The following ITCH variants were observed in gnomAD, a reference collection of about 807,000 sequenced individuals.
ITCH encodes E3 ubiquitin-protein ligase Itchy homolog.
A neutral mutation model predicts 126.8 loss-of-function variants in ITCH; 28 were observed. The ratio of observed to expected loss-of-function variants is 0.22; its 90% CI spans 0.16 to 0.30. The LOEUF is 0.30. Ranked by LOEUF, ITCH falls within the 10% of genes least tolerant of loss-of-function variation. The pLI, the probability that ITCH is intolerant of heterozygous loss-of-function variation, is 1.00. For missense variants in ITCH, 631 were observed against 1,032.4 expected (o/e 0.61, Z 5.33); for synonymous variants, 342 against 340.0 (o/e 1.01, Z -0.06).
intron 7 of ITCH, among the ~76,000 whole-genome samples, chr20:34,434,323 T>A (rs1465850399): frequency 6.6e-6 from 1 of 151,882 alleles, no homozygotes; most frequent in Middle Eastern, 3.2e-3. Context: ...TAAAATAAAA[T>A]GCACTAACTA....
chr20:34,441,895 C>T (rs577350838), intron 9 of ITCH: 27 of 339,648 alleles, frequency 7.9e-5, no homozygotes, highest in African/African-American at 5.1e-4. Context: ...CATTTCTTTC[C>T]ACTCAAATCC....
chr20:34,385,430 A>G (rs1003471944), intron 2 of ITCH, among the ~76,000 whole-genome samples: 25 of 152,052 alleles, frequency 1.6e-4, no homozygotes, highest in African/African-American at 5.5e-4. Context: ...ATTTCACACA[A>G]GCATTGTTTG....
rs1303151068 is a variant in ITCH, at chr20:34,508,831, G to A, written c.*1037G>A. On this transcript the variant is annotated 3_prime_UTR_variant, in exon 25 of 25. Transcript: ENST00000374864. ...TCAGTTATATTTAATTATTGTTAAG[G>A]AGTTTAAGACTAGAAAGACTAGAGT... 3 of 152,198 alleles carry A rather than the reference G, an allele frequency of 2.0e-5. No homozygotes were observed. The East Asian group carries it at 5.8e-4, about 29-fold the overall frequency. 9.4% of individuals were successfully genotyped at this position (152,198 alleles called of 1,614,324 possible).
At chr20:34,461,974 C>G in intron 13 of ITCH, 119 bp from the exon 14 acceptor site, 2 of 974,222 alleles carry the variant, frequency 2.1e-6, no homozygotes, top group Non-Finnish European at 3.2e-6. Context: ...AACTGAATTA[C>G]TGAACTGAAT....
chr20:34,387,552 G>C (rs369651089), intron 2 of ITCH, among the ~76,000 whole-genome samples: 5 of 151,184 alleles, frequency 3.3e-5, no homozygotes, highest in Admixed American at 1.3e-4. Context: ...GATTGTTTCA[G>C]CCCAGGTGGT....
chr20:34,449,820 T>C (rs759689477), intron 12 of ITCH, among the ~76,000 whole-genome samples: 1 of 152,128 alleles, frequency 6.6e-6, no homozygotes, highest in Non-Finnish European at 1.5e-5. Context: ...ATGAAGAAAG[T>C]CAGTCTCAAA....
intron 19 of ITCH, 102 bp downstream of exon 19, chr20:34,480,834 AT>A: frequency 9.4e-7 from 1 of 1,062,696 alleles, no homozygotes; most frequent in East Asian, 2.6e-5. Flanking sequence ...GGTTTATTGT[AT>A]TTAAATGATC....
chr20:34,456,208 ATATATATTTTTTTTT>A (rs1985963701), intron 12 of ITCH, among the ~76,000 whole-genome samples: 1 of 31,372 alleles, frequency 3.2e-5, no homozygotes, highest in African/African-American at 1.4e-4. Context: ...ATATATATAT[ATATATATTTTTTTTT>A]TTTTTTTTTT....
chr20:34,475,832 A>G, intron 16 of ITCH: 2 of 728,906 alleles, frequency 2.7e-6, no homozygotes, highest in Non-Finnish European at 4.8e-6. Context: ...GTCATAATAC[A>G]GAATCCACTC....
At chr20:34,478,698 C>T (rs942118514) in intron 17 of ITCH, among the ~76,000 whole-genome samples, 4 of 152,028 alleles carry the variant, frequency 2.6e-5, no homozygotes, top group South Asian at 4.2e-4. Context: ...TTTGTGTGCA[C>T]GCTAATTGGT....
chr20:34,402,593 T>C (rs1195695378), intron 3 of ITCH: 2 of 667,506 alleles, frequency 3.0e-6, no homozygotes, highest in Admixed American at 2.1e-5. Flanking sequence ...ATAATTGTTA[T>C]TGCATAGTTG....
chr20:34,491,543 T>A (rs1381392290), intron 22 of ITCH, among the ~76,000 whole-genome samples: 1 of 151,522 alleles, frequency 6.6e-6, no homozygotes, highest in Non-Finnish European at 1.5e-5. Context: ...AAATCGAGAA[T>A]TTATGTTGTG....
At chr20:34,451,869 A>T (rs1985291910) in intron 12 of ITCH, among the ~76,000 whole-genome samples, 1 of 151,982 alleles carries the variant, frequency 6.6e-6, no homozygotes, top group South Asian at 2.1e-4. Flanking sequence ...GGAGTTGGAG[A>T]TCAGCCTGGG....
intron 3 of ITCH, among the ~76,000 whole-genome samples, chr20:34,401,841 G>A (rs2038897372): frequency 6.6e-6 from 1 of 152,200 alleles, no homozygotes; most frequent in African/African-American, 2.4e-5. Context: ...CTGTTACAGA[G>A]TCATCCACAA....
chr20:34,505,192 C>T (rs188253841), intron 24 of ITCH, among the ~76,000 whole-genome samples: 21 of 151,814 alleles, frequency 1.4e-4, no homozygotes, highest in African/African-American at 4.6e-4. Context: ...TACAGGCGCC[C>T]GTGACCACGC....
chr20:34,422,984 G>A (rs1451007992), intron 6 of ITCH, among the ~76,000 whole-genome samples: 1 of 152,112 alleles, frequency 6.6e-6, no homozygotes, highest in Non-Finnish European at 1.5e-5. Context: ...TAGTAGAGAT[G>A]AAGTTTCGCC....
intron 2 of ITCH, among the ~76,000 whole-genome samples, chr20:34,389,588 T>TTCTTAGAAAAA (rs1444574017): frequency 1.3e-5 from 2 of 151,918 alleles, no homozygotes; most frequent in African/African-American, 4.8e-5. Context: ...GAAATCCAGT[T>TTCTTAGAAAAA]TCTTAGAAAA....
At chr20:34,481,322 A>G in intron 20 of ITCH, 116 bp downstream of exon 20, 2 of 1,132,110 alleles carry the variant, frequency 1.8e-6, no homozygotes, top group Non-Finnish European at 1.3e-6. Flanking sequence ...GTACTAATCA[A>G]TATCCTATGT....
intron 6 of ITCH, among the ~76,000 whole-genome samples, chr20:34,417,402 T>A (rs1980054488): frequency 7.2e-6 from 1 of 139,750 alleles, no homozygotes; most frequent in Non-Finnish European, 1.6e-5. Flanking sequence ...CCGGCTGACT[T>A]TTTTTTTTTT....
Sources: gnomAD v4.1 joint callset for allele counts (sites outside exome capture counted in the v4.1 genomes callset) on GRCh38, gnomAD v4.1.1 for gene constraint, MANE v1.5 for transcripts, NCBI Gene and HGNC (gene_info 2026-07-23, HGNC 2026-07-21) for gene names.